The following MAPK6 variants were observed in gnomAD, a reference collection of about 807,000 sequenced individuals.
The protein encoded by MAPK6 is mitogen-activated protein kinase 6.
In MAPK6, 19 loss-of-function variants were observed where a neutral mutation model predicts 59.3. The ratio of observed to expected loss-of-function variants is 0.32; its 90% CI spans 0.22 to 0.47. The LOEUF (loss-of-function observed/expected upper bound fraction) is 0.47. MAPK6 is among the 20% of genes least tolerant of loss of function. The probability of loss-of-function intolerance (pLI) is 1.00; values close to 1 mark genes in which losing one functional copy is unlikely to be tolerated. For missense variants in MAPK6, 724 were observed against 847.9 expected (o/e 0.85, Z 1.81); for synonymous variants, 316 against 290.3 (o/e 1.09, Z -0.90).
chr15:52,050,156 G>A lies in MAPK6; in HGVS notation c.700+19G>A, dbSNP rs767947146. On this transcript the variant is annotated intron_variant, in intron 3 of 5. Coordinates refer to ENST00000261845, the MANE Select transcript of MAPK6 (RefSeq NM_002748.4). Reference sequence around the variant, plus strand: ...TTTGCAGGTTAGTATTTTGTGGGGGGAAAAATTTTCCCAAAGAGAAGTAAT... The same window carrying A: ...TTTGCAGGTTAGTATTTTGTGGGGGAAAAAATTTTCCCAAAGAGAAGTAAT... 2 of 1,582,654 alleles carry A rather than the reference G, an allele frequency of 1.3e-6. No homozygotes were observed. Among genetic ancestry groups the A allele is most frequent in the South Asian group, 2.4e-5 (2 of 84,122 alleles).
intron 3 of MAPK6, among the ~76,000 whole-genome samples, chr15:52,006,985 T>C (rs1182082700): frequency 6.6e-6 from 1 of 152,192 alleles, no homozygotes; most frequent in Non-Finnish European, 1.5e-5. Context: ...ATACTGGTTC[T>C]GTTCTCAGGC....
chr15:52,010,533 T>TG (rs2030024127), intron 3 of MAPK6, among the ~76,000 whole-genome samples: 1 of 148,502 alleles, frequency 6.7e-6, no homozygotes, highest in Non-Finnish European at 1.5e-5. Context: ...TTTTTTTTTT[T>TG]TTTGAGACAG....
At chr15:52,029,775 T>G (rs1353927119) in intron 1 of MAPK6, among the ~76,000 whole-genome samples, 1 of 152,190 alleles carries the variant, frequency 6.6e-6, no homozygotes, top group Non-Finnish European at 1.5e-5. Context: ...ATTATCTGTT[T>G]TACATCTTTA....
At chr15:51,986,983 G>T (rs1376676118) in intron 2 of MAPK6, among the ~76,000 whole-genome samples, 2 of 151,976 alleles carry the variant, frequency 1.3e-5, no homozygotes, top group African/African-American at 4.8e-5. Context: ...ATTTAATTTT[G>T]CTCAAAGTCT....
chr15:52,034,345 G>A (rs1348089719), intron 1 of MAPK6, among the ~76,000 whole-genome samples: 1 of 144,658 alleles, frequency 6.9e-6, no homozygotes, highest in Non-Finnish European at 1.5e-5. Context: ...AGACAGTCTC[G>A]CTCTGTTACC....
Position 52,064,122 on chromosome 15 carries a change from C to A in MAPK6, c.1288C>A (p.His430Asn). 6.2e-7 allele frequency: 1 copy of A among 1,611,672 alleles called. No individual in the cohort carries two copies. Among genetic ancestry groups the A allele is most frequent in the Non-Finnish European group, 8.5e-7 (1 of 1,178,534 alleles). ...STEPCWQYSD[H>N]HENKYCDLEC... ...TGAGCCTTGTTGGCAATACTCAGAT[C>A]ATCATGAAAACAAATATTGTGATCT... The change falls in exon 6 of 6, where the codon CAT becomes AAT. Residue 430 changes from histidine (H) to asparagine (N), a missense_variant. His to Asn is a moderately conservative substitution (Grantham distance 68). Coordinates refer to ENST00000261845, the MANE Select transcript of MAPK6 (RefSeq NM_002748.4).
At chr15:52,041,530 T>A (rs545692967) in intron 1 of MAPK6, among the ~76,000 whole-genome samples, 17 of 152,300 alleles carry the variant, frequency 1.1e-4, no homozygotes, top group African/African-American at 3.9e-4. Flanking sequence ...GCATGAAAGA[T>A]GGTGGAGATA....
At chr15:51,987,423 G>C (rs1171471685) in intron 2 of MAPK6, among the ~76,000 whole-genome samples, 2 of 152,064 alleles carry the variant, frequency 1.3e-5, no homozygotes, top group African/African-American at 4.8e-5. Context: ...TGGCCAACAT[G>C]GTGAAACGTC....
chr15:51,992,307 T>TATCTA (rs1261387788), intron 2 of MAPK6, among the ~76,000 whole-genome samples: 10 of 117,696 alleles, frequency 8.5e-5, no homozygotes, highest in African/African-American at 3.6e-4. Flanking sequence ...ATATATATAT[T>TATCTA]TTTTTTTTTT....
intron 1 of MAPK6, among the ~76,000 whole-genome samples, chr15:52,034,939 C>T (rs1477555585): frequency 2.0e-5 from 3 of 152,072 alleles, no homozygotes; most frequent in Non-Finnish European, 4.4e-5. Flanking sequence ...CTCAAGTGAT[C>T]TGCTTGCTGG....
At position 52,058,604 on chromosome 15, in the gene MAPK6, GTGTT is replaced by G. The variant is rs765859243; in HGVS notation, c.701-27_701-24del. The G allele has an allele frequency of 1.4e-5, 22 of 1,555,406 alleles. No homozygotes were observed. In the East Asian group the frequency reaches 4.6e-4, roughly 33 times the overall value. ...GTGAAATAAGTAAACATTGAGGAAT[GTGTT>G]TTTTTGTTTGTTTTTTAACCTCAGG... is the stretch of plus-strand genomic sequence containing the variant. On this transcript the variant is annotated intron_variant, in intron 3 of 5. Transcript: ENST00000261845.
chr15:52,055,756 T>TAA (rs1324416996), intron 3 of MAPK6, among the ~76,000 whole-genome samples: 1 of 152,176 alleles, frequency 6.6e-6, no homozygotes, highest in African/African-American at 2.4e-5. Flanking sequence ...CCTCAGGTCA[T>TAA]TACCTGCCTC....
chr15:52,033,147 G>A (rs2031104311), intron 1 of MAPK6, among the ~76,000 whole-genome samples: 1 of 152,172 alleles, frequency 6.6e-6, no homozygotes, highest in South Asian at 2.1e-4. Context: ...AAGGTCTTTT[G>A]AAGGTTATTT....
rs1028944352 is a variant in MAPK6, at chr15:51,975,687, G to A, written c.-880+3781G>A. Among the ~76,000 whole-genome samples the A allele has an allele frequency of 7.9e-5, 12 of 151,832 alleles. 1 individual carries two copies. The highest frequency in any genetic ancestry group is 7.2e-4 in the Admixed American group (11 of 15,236). On this transcript the variant is annotated intron_variant, in intron 1 of 7. Coordinates refer to the MAPK6 transcript ENST00000691380. The stretch of plus-strand genomic sequence containing the variant: ...TTCACTGAAAATTCACTCCATTTAT[G>A]GTAAACTGCCACTCCACAGGAGGAT...
intron 1 of MAPK6, among the ~76,000 whole-genome samples, chr15:52,044,755 A>G (rs1441891865): frequency 6.6e-6 from 1 of 152,136 alleles, no homozygotes; most frequent in Non-Finnish European, 1.5e-5. Flanking sequence ...ACAGAGATCA[A>G]TATAATGAAC....
intron 1 of MAPK6, among the ~76,000 whole-genome samples, chr15:52,038,606 A>G (rs1459464657): frequency 6.6e-6 from 1 of 152,158 alleles, no homozygotes; most frequent in East Asian, 1.9e-4. Flanking sequence ...GAAAATTTAT[A>G]TTTTCATCTA....
chr15:52,044,750 G>A (rs945638945), intron 1 of MAPK6, among the ~76,000 whole-genome samples: 3 of 151,776 alleles, frequency 2.0e-5, no homozygotes, highest in Non-Finnish European at 4.4e-5. Context: ...AGTGTACAGA[G>A]ATCAATATAA....
In MAPK6 at chr15:52,065,058, A is replaced by G; in HGVS notation, c.*58A>G. ...CATGAAATGTGTTTTGTCTTTTTTT[A>G]TTACTAGTGTTTAAGTCATTTTTTA... On this transcript the variant is annotated 3_prime_UTR_variant, in exon 6 of 6. Coordinates refer to ENST00000261845, the MANE Select transcript of MAPK6 (RefSeq NM_002748.4). 2 of 1,462,326 alleles carry G rather than the reference A, an allele frequency of 1.4e-6. No homozygotes were observed. The highest frequency in any genetic ancestry group is 1.8e-6 in the Non-Finnish European group (2 of 1,091,788). 90.6% of individuals were successfully genotyped at this position (1,462,326 alleles called of 1,614,324 possible).
chr15:51,998,847 C>T (rs1481376645), intron 2 of MAPK6, among the ~76,000 whole-genome samples: 4 of 150,488 alleles, frequency 2.7e-5, no homozygotes, highest in Admixed American at 6.6e-5. Context: ...CCTGCCACCA[C>T]GCCTGGCTAA....
Sources: gnomAD v4.1 joint callset for allele counts (sites outside exome capture counted in the v4.1 genomes callset) on GRCh38, gnomAD v4.1.1 for gene constraint, MANE v1.5 for transcripts, NCBI Gene and HGNC (gene_info 2026-07-23, HGNC 2026-07-21) for gene names.